TRDMT1: variants seen among roughly 807,000 people sequenced by gnomAD.
TRDMT1 encodes tRNA aspartic acid methyltransferase 1, also known as tRNA (cytosine(38)-C(5))-methyltransferase.
TRDMT1 carries 49 observed loss-of-function variants against 51.2 expected under a neutral mutation model. That is an observed-to-expected ratio of 0.96 (90% CI 0.76 to 1.21). TRDMT1 has a LOEUF of 1.21. Among genes scored for constraint, TRDMT1 ranks in the 50% most tolerant of loss-of-function variants. The pLI is 0.00. For missense variants in TRDMT1, 534 were observed against 462.3 expected (o/e 1.16, Z -1.42); for synonymous variants, 187 against 164.6 (o/e 1.14, Z -1.04).
intron 1 of TRDMT1, among the ~76,000 whole-genome samples, chr10:17,180,927 C>T (rs1400435006): frequency 1.3e-5 from 2 of 152,192 alleles, no homozygotes; most frequent in Non-Finnish European, 2.9e-5. Flanking sequence ...GTAAATTTTA[C>T]ATCAAATTAA....
chr10:17,170,538 C>T (rs906422683), intron 2 of TRDMT1, among the ~76,000 whole-genome samples: 4 of 152,162 alleles, frequency 2.6e-5, no homozygotes, highest in African/African-American at 9.7e-5. Context: ...TGCCTATTTT[C>T]TCAGAAAGTT....
At chr10:17,201,274 T>G in intron 1 of TRDMT1, 4 of 321,084 alleles carry the variant, frequency 1.2e-5, no homozygotes, top group East Asian at 6.9e-5. Flanking sequence ...TCTCGCCCCT[T>G]TGATACCCTT....
rs1181841327 is a variant in TRDMT1, at chr10:17,141,068, T to C, written c.*7972A>G. ...ATTCATAGTTGACAATGCCACCTCC[T>C]TCTGGTCCTCATGGTTTTGGATGAG... On this transcript the variant is annotated 3_prime_UTR_variant, in exon 11 of 11. Coordinates refer to ENST00000377799, the MANE Select transcript of TRDMT1 (RefSeq NM_004412.7). Among the ~76,000 whole-genome samples, 3 of 152,278 alleles carry C rather than the reference T, an allele frequency of 2.0e-5. No homozygotes were observed. Among genetic ancestry groups the C allele is most frequent in the Non-Finnish European group, 4.4e-5 (3 of 68,046 alleles).
intron 3 of TRDMT1, among the ~76,000 whole-genome samples, chr10:17,168,390 C>G (rs2131478809): frequency 6.6e-6 from 1 of 152,204 alleles, no homozygotes; most frequent in Admixed American, 6.5e-5. Context: ...TGAAATGCAG[C>G]TAATAAACTT....
chr10:17,152,189 T>C (rs1418515562), intron 10 of TRDMT1: 1 of 881,816 alleles, frequency 1.1e-6, no homozygotes, highest in Non-Finnish European at 1.5e-6. Context: ...ATTTGTTTTG[T>C]AATGCTGTCA....
intron 10 of TRDMT1, chr10:17,151,154 T>G (rs551873684): frequency 9.5e-6 from 7 of 735,312 alleles, no homozygotes; most frequent in Middle Eastern, 7.0e-4. Flanking sequence ...ACAAAAGTAA[T>G]TGAAGTTTTT....
intron 1 of TRDMT1, among the ~76,000 whole-genome samples, chr10:17,174,984 A>G (rs1463825342): frequency 6.6e-6 from 1 of 152,244 alleles, no homozygotes; most frequent in Non-Finnish European, 1.5e-5. Flanking sequence ...AAGTTAAAAC[A>G]AACTAAAAAT....
chr10:17,146,662 G>A lies in TRDMT1; in HGVS notation c.*2378C>T. ...TCGGTTTACTGTAAGGTATGGTGAA[G>A]ACTGAATTACACATAGTTCTCCTGA... On this transcript the variant is annotated 3_prime_UTR_variant, in exon 11 of 11. Coordinates refer to ENST00000377799, the MANE Select transcript of TRDMT1 (RefSeq NM_004412.7). 7.1e-6 allele frequency: 7 copies of A among 985,354 alleles called. No homozygotes were observed. Among genetic ancestry groups the A allele is most frequent in the Non-Finnish European group, 8.4e-6 (7 of 829,884 alleles). 61.0% of individuals were successfully genotyped at this position (985,354 alleles called of 1,614,324 possible).
rs768470505 is a variant in TRDMT1, at chr10:17,149,072, C to T, written c.1144G>A (p.Val382Ile). 1.9e-6 allele frequency: 3 copies of T among 1,611,042 alleles called. No homozygotes were observed. Among genetic ancestry groups the T allele is most frequent in the Non-Finnish European group, 2.5e-6 (3 of 1,178,932 alleles). ...LLGNSLNVHV[V>I]AKLIKILYE ...TATAAGATTTTGATTAGTTTAGCTA[C>T]TACATGCACGTTGAGACTATTTCCA... The change falls in exon 11 of 11, where the codon GTA becomes ATA. Residue 382 changes from valine to isoleucine, a missense_variant. Transcript: ENST00000377799.
At chr10:17,197,252 CA>C (rs1283768025) in intron 1 of TRDMT1, among the ~76,000 whole-genome samples, 1 of 152,030 alleles carries the variant, frequency 6.6e-6, no homozygotes, top group Non-Finnish European at 1.5e-5. Flanking sequence ...GAAGGATTAT[CA>C]ATTCAATAGT....
At position 17,137,851 on chromosome 10, in the gene TRDMT1, A is replaced by AG. The variant is rs397969589; in HGVS notation, c.*11188dup. 1.3e-5 allele frequency among the ~76,000 whole-genome samples: 2 copies of AG among 151,614 alleles called. No individual in the cohort carries two copies. Among genetic ancestry groups the AG allele is most frequent in the Non-Finnish European group, 2.9e-5 (2 of 67,926 alleles). On this transcript the variant is annotated 3_prime_UTR_variant, in exon 11 of 11. Transcript: ENST00000377799. ...CCAAAAAAAAAAGAAAAAAAAAAAA[A>AG]GGTTGTTCCACTTGTCCAGCAGGGT...
intron 10 of TRDMT1, chr10:17,151,020 TGC>T: frequency 3.1e-6 from 3 of 963,528 alleles, no homozygotes; most frequent in Non-Finnish European, 3.7e-6. Context: ...TGTGTGTGTG[TGC>T]GTGCATCTGT....
intron 2 of TRDMT1, among the ~76,000 whole-genome samples, chr10:17,173,912 G>A (rs1219088776): frequency 6.6e-6 from 1 of 151,828 alleles, no homozygotes; most frequent in African/African-American, 2.4e-5. Flanking sequence ...CTACAGGCAT[G>A]TGCCAACACA....
chr10:17,155,029 C>A (rs561738759), intron 8 of TRDMT1, among the ~76,000 whole-genome samples: 20 of 152,128 alleles, frequency 1.3e-4, no homozygotes, highest in African/African-American at 4.8e-4. Context: ...CGAGGTCAGC[C>A]TGGCCAACAT....
At chr10:17,188,512 G>T (rs142574754) in intron 1 of TRDMT1, among the ~76,000 whole-genome samples, 1 of 152,246 alleles carries the variant, frequency 6.6e-6, no homozygotes, top group Admixed American at 6.5e-5. Context: ...ACGAATCCCT[G>T]CTCCCACAGA....
intron 1 of TRDMT1, among the ~76,000 whole-genome samples, chr10:17,186,860 A>G (rs1844004228): frequency 1.3e-5 from 2 of 152,228 alleles, no homozygotes; most frequent in South Asian, 2.1e-4. Flanking sequence ...AAAAGTTTAT[A>G]AATTCTACAT....
intron 3 of TRDMT1, among the ~76,000 whole-genome samples, chr10:17,164,838 A>T (rs933644123): frequency 6.6e-5 from 10 of 152,198 alleles, no homozygotes; most frequent in Non-Finnish European, 1.3e-4. Context: ...CTTCAAGAAG[A>T]TCTACCAATC....
chr10:17,184,220 T>C (rs1334266776), intron 1 of TRDMT1, among the ~76,000 whole-genome samples: 1 of 152,122 alleles, frequency 6.6e-6, no homozygotes, highest in Non-Finnish European at 1.5e-5. Flanking sequence ...TACATTTGTT[T>C]TGAGTGAATG....
Position 17,148,730 on chromosome 10 carries a change from C to G in TRDMT1, c.*310G>C, listed in dbSNP as rs1838328058. On this transcript the variant is annotated 3_prime_UTR_variant, in exon 11 of 11. Coordinates refer to ENST00000377799, the MANE Select transcript of TRDMT1 (RefSeq NM_004412.7). ...ACTTCACAAGATACTCATGTAGACA[C>G]TAAAGCTCTAGTGCTCCTTGATTTG... 9.9e-7 allele frequency: 1 copy of G among 1,010,372 alleles called. No individual in the cohort carries two copies. Among genetic ancestry groups the G allele is most frequent in the Non-Finnish European group, 1.2e-6 (1 of 845,766 alleles). 62.6% of individuals were successfully genotyped at this position (1,010,372 alleles called of 1,614,324 possible). A position where few individuals can be genotyped will look rare whatever the true frequency, so the allele number is the denominator to read the frequency against.
Sources: allele counts gnomAD v4.1 joint callset (sites outside exome capture counted in the v4.1 genomes callset), GRCh38; gene constraint gnomAD v4.1.1; transcripts MANE v1.5; gene names NCBI Gene and HGNC (gene_info 2026-07-23, HGNC 2026-07-21).